The following COL28A1 variants were observed in gnomAD, a reference collection of about 807,000 sequenced individuals.
COL28A1 encodes collagen alpha-1(XXVIII) chain.
Under a neutral mutation model 150.2 loss-of-function variants are expected in COL28A1, and 161 were observed. The ratio of observed to expected loss-of-function variants is 1.07; its 90% CI spans 0.94 to 1.22. COL28A1 has a LOEUF of 1.22. Ranked by LOEUF, COL28A1 falls within the 50% of genes most tolerant of loss-of-function variation. The pLI, the probability that COL28A1 is intolerant of heterozygous loss-of-function variation, is 0.00. For synonymous variants in COL28A1, 552 were observed against 469.7 expected, an observed-to-expected ratio of 1.18 and a Z score of -2.26; for missense variants, 1,617 against 1,388.3, an observed-to-expected ratio of 1.16 and a Z score of -2.62.
At chr7:7,484,200 A>G (rs1000689204) in intron 13 of COL28A1, among the ~76,000 whole-genome samples, 1 of 152,198 alleles carries the variant, frequency 6.6e-6, no homozygotes, top group African/African-American at 2.4e-5. Flanking sequence ...AAATTGCAAA[A>G]GCAGCCTAAA....
At chr7:7,422,369 A>G (rs1296433939) in intron 25 of COL28A1, among the ~76,000 whole-genome samples, 1 of 152,102 alleles carries the variant, frequency 6.6e-6, no homozygotes, top group African/African-American at 2.4e-5. Context: ...AGTGGCTTAC[A>G]CCTGTAATCC....
chr7:7,495,191 A>G (rs1030467820), intron 11 of COL28A1, among the ~76,000 whole-genome samples: 7 of 152,208 alleles, frequency 4.6e-5, no homozygotes, highest in African/African-American at 1.7e-4. Context: ...TTGACATGTA[A>G]TCAACACTTT....
chr7:7,496,614 G>A (rs565135763), intron 11 of COL28A1, among the ~76,000 whole-genome samples: 13 of 151,976 alleles, frequency 8.6e-5, no homozygotes, highest in Admixed American at 2.0e-4. Flanking sequence ...TGAGAAAACC[G>A]ACTAACACTC....
At chr7:7,526,168 C>T (rs1288673497) in intron 3 of COL28A1, among the ~76,000 whole-genome samples, 4 of 152,216 alleles carry the variant, frequency 2.6e-5, no homozygotes, top group African/African-American at 9.6e-5. Context: ...CAGGACAATT[C>T]TTGCTTTTGC....
chr7:7,474,329 A>T (rs1788699690), intron 15 of COL28A1, among the ~76,000 whole-genome samples: 1 of 152,040 alleles, frequency 6.6e-6, no homozygotes, highest in Non-Finnish European at 1.5e-5. Flanking sequence ...AAGACCACAA[A>T]TTGGGTTCAG....
At chr7:7,403,636 T>C (rs533781099) in intron 27 of COL28A1, among the ~76,000 whole-genome samples, 10 of 152,290 alleles carry the variant, frequency 6.6e-5, no homozygotes, top group Non-Finnish European at 1.3e-4. Flanking sequence ...AACCTGGTAA[T>C]GTGACTTATA....
At chr7:7,491,099 T>G (rs1412355328) in intron 11 of COL28A1, among the ~76,000 whole-genome samples, 1 of 152,202 alleles carries the variant, frequency 6.6e-6, no homozygotes, top group East Asian at 1.9e-4. Flanking sequence ...AGACATATTT[T>G]GTTTCCTCCC....
At chr7:7,425,884 T>A (rs1784622233) in intron 25 of COL28A1, among the ~76,000 whole-genome samples, 1 of 152,232 alleles carries the variant, frequency 6.6e-6, no homozygotes, top group Non-Finnish European at 1.5e-5. Flanking sequence ...CAACCCATTA[T>A]ACCTTATGAG....
intron 27 of COL28A1, among the ~76,000 whole-genome samples, chr7:7,401,002 G>A (rs1783163232): frequency 6.7e-6 from 1 of 150,104 alleles, no homozygotes. Context: ...GTGTGTGTGT[G>A]TGTGTGTGTG....
chr7:7,524,422 C>T (rs931480134), intron 3 of COL28A1, among the ~76,000 whole-genome samples, 173 bp from the exon 4 acceptor site: 1 of 152,182 alleles, frequency 6.6e-6, no homozygotes, highest in Non-Finnish European at 1.5e-5. Context: ...AAGGAGCAGT[C>T]CGAGCCATGT....
intron 27 of COL28A1, among the ~76,000 whole-genome samples, chr7:7,416,532 T>G (rs545170275): frequency 1.1e-4 from 16 of 152,224 alleles, no homozygotes; most frequent in Non-Finnish European, 2.1e-4. Context: ...CATGCAAAAC[T>G]GGGTATACAG....
chr7:7,397,912 T>C (rs1401819268), intron 27 of COL28A1, among the ~76,000 whole-genome samples: 5 of 152,228 alleles, frequency 3.3e-5, no homozygotes, highest in Non-Finnish European at 7.3e-5. Context: ...TCACCTGACG[T>C]AACTAAAAGG....
chr7:7,523,892 A>G (rs1035921714), intron 4 of COL28A1, among the ~76,000 whole-genome samples: 1 of 152,140 alleles, frequency 6.6e-6, no homozygotes. Context: ...ACACCCCCCA[A>G]AATAGAGGAC....
intron 4 of COL28A1, among the ~76,000 whole-genome samples, chr7:7,522,806 C>CCAAAAAAAAAA (rs1460030225): frequency 7.5e-5 from 7 of 93,156 alleles, no homozygotes; most frequent in African/African-American, 3.0e-4. Context: ...AGCTGAAGAG[C>CCAAAAAAAAAA]AAAAAAAAAA....
intron 8 of COL28A1, among the ~76,000 whole-genome samples, chr7:7,514,697 T>A (rs1002391808): frequency 2.0e-5 from 3 of 152,156 alleles, no homozygotes; most frequent in African/African-American, 7.2e-5. Context: ...ATTAAAAGAC[T>A]TATGAATTCC....
intron 18 of COL28A1, among the ~76,000 whole-genome samples, chr7:7,449,437 T>C (rs1295911506): frequency 4.0e-5 from 6 of 151,808 alleles, no homozygotes; most frequent in African/African-American, 1.4e-4. Context: ...TCAAAAACTT[T>C]CAGCAAACAT....
At chr7:7,367,904 C>T (rs368568454) in intron 33 of COL28A1, among the ~76,000 whole-genome samples, 5 of 151,894 alleles carry the variant, frequency 3.3e-5, no homozygotes, top group Admixed American at 1.3e-4. Context: ...AGAAACCTGA[C>T]AGTCCTACCC....
intron 4 of COL28A1, among the ~76,000 whole-genome samples, chr7:7,523,503 C>T (rs536848067): frequency 6.5e-4 from 98 of 151,820 alleles, no homozygotes; most frequent in Middle Eastern, 3.4e-3. Context: ...ATGGTATATC[C>T]GAACATGTAC....
At chr7:7,411,952 C>A (rs1244234539) in intron 27 of COL28A1, among the ~76,000 whole-genome samples, 1 of 152,086 alleles carries the variant, frequency 6.6e-6, no homozygotes, top group Non-Finnish European at 1.5e-5. Context: ...CTGGAGGCAC[C>A]AATATACTTC....
Sources: gnomAD v4.1 joint callset for allele counts (sites outside exome capture counted in the v4.1 genomes callset) on GRCh38, gnomAD v4.1.1 for gene constraint, MANE v1.5 for transcripts, NCBI Gene and HGNC (gene_info 2026-07-23, HGNC 2026-07-21) for gene names.